DENND4A: variants seen among roughly 807,000 people sequenced by gnomAD.
The protein encoded by DENND4A is C-myc promoter-binding protein.
Under a neutral mutation model 199.3 loss-of-function variants are expected in DENND4A, and 70 were observed. The observed-to-expected ratio is 0.35, with a 90% CI of 0.29 to 0.43. The LOEUF is 0.43. DENND4A is among the 20% of genes least tolerant of loss of function. The pLI is 1.00. For missense variants in DENND4A, 1,723 were observed against 2,255.8 expected, an observed-to-expected ratio of 0.76 and a Z score of 4.78; for synonymous variants, 686 against 766.9, an observed-to-expected ratio of 0.89 and a Z score of 1.74.
chr15:65,760,724 A>G (rs571414097), intron 2 of DENND4A, among the ~76,000 whole-genome samples: 1 of 152,152 alleles, frequency 6.6e-6, no homozygotes, highest in Admixed American at 6.5e-5. Context: ...CCTCGTTTCT[A>G]CCAAAAATAC....
At chr15:65,704,308 T>C (rs1361909360) in intron 15 of DENND4A, among the ~76,000 whole-genome samples, 1 of 152,054 alleles carries the variant, frequency 6.6e-6, no homozygotes, top group Non-Finnish European at 1.5e-5. Context: ...CAAAATTATA[T>C]TGGTAGTCTG....
chr15:65,729,450 A>C, intron 10 of DENND4A, 84 bp downstream of exon 10: 1 of 1,489,392 alleles, frequency 6.7e-7, no homozygotes, highest in East Asian at 2.5e-5. Context: ...AATTTTAGTT[A>C]AGTTATATTA....
rs757726723 is a variant in DENND4A, at chr15:65,691,119, C to T, written c.3475G>A (p.Val1159Met). 4 of 1,613,136 alleles carry T rather than the reference C, an allele frequency of 2.5e-6. No individual in the cohort carries two copies. Among genetic ancestry groups the T allele is most frequent in the Non-Finnish European group, 3.4e-6 (4 of 1,179,636 alleles). Reference sequence around the variant, plus strand: ...AAGTCAAAAATAACAGGAGAATCCACTTTATCTGCCAAATAGTTAGAACCA... The same window carrying T: ...AAGTCAAAAATAACAGGAGAATCCATTTTATCTGCCAAATAGTTAGAACCA... Reference protein sequence around the residue: ...FDGSNYLADKVDSPVIFDLED... With the variant: ...FDGSNYLADKMDSPVIFDLED... Residue 1159 changes from valine (V) to methionine (M), a missense_variant, in exon 23 of 33, where the codon GTG becomes ATG. Transcript: ENST00000443035.
At chr15:65,685,597 G>A (rs747980692) in intron 23 of DENND4A, among the ~76,000 whole-genome samples, 2 of 152,096 alleles carry the variant, frequency 1.3e-5, no homozygotes, top group Admixed American at 6.5e-5. Context: ...TCATCTCTAG[G>A]TTACTTATAA....
intron 23 of DENND4A, among the ~76,000 whole-genome samples, chr15:65,688,250 TTTAA>T (rs1369791078): frequency 6.6e-6 from 1 of 151,466 alleles, no homozygotes; most frequent in Non-Finnish European, 1.5e-5. Context: ...TAGAATTTAT[TTTAA>T]TTTATTTCAA....
chr15:65,698,448 GTTTGGA>G (rs2077229596), intron 20 of DENND4A, among the ~76,000 whole-genome samples: 1 of 151,982 alleles, frequency 6.6e-6, no homozygotes, highest in Non-Finnish European at 1.5e-5. Context: ...TAATCTTTTT[GTTTGGA>G]TTTGAAGTTC....
intron 2 of DENND4A, among the ~76,000 whole-genome samples, chr15:65,758,732 G>C (rs2076777546): frequency 6.6e-6 from 1 of 152,158 alleles, no homozygotes; most frequent in Non-Finnish European, 1.5e-5. Flanking sequence ...GTTAGACACA[G>C]TTCCAATAAG....
chr15:65,750,952 A>T (rs1415150949), intron 4 of DENND4A, among the ~76,000 whole-genome samples: 2 of 152,204 alleles, frequency 1.3e-5, no homozygotes, highest in African/African-American at 4.8e-5. Context: ...AGTTAGATAA[A>T]AAACTATGGC....
chr15:65,738,972 G>T, intron 5 of DENND4A, 97 bp from the exon 6 acceptor site: 1 of 896,346 alleles, frequency 1.1e-6, no homozygotes, highest in Non-Finnish European at 1.6e-6. Context: ...CACACATTTG[G>T]AATGCCAAAG....
chr15:65,765,058 T>G (rs1259151220), intron 1 of DENND4A, among the ~76,000 whole-genome samples: 2 of 152,156 alleles, frequency 1.3e-5, no homozygotes, highest in African/African-American at 4.8e-5. Flanking sequence ...TCCATTCTGA[T>G]GAATGAACTT....
chr15:65,735,105 C>T (rs889812791), intron 7 of DENND4A, among the ~76,000 whole-genome samples: 6 of 150,992 alleles, frequency 4.0e-5, no homozygotes, highest in Non-Finnish European at 5.9e-5. Context: ...AGGCAAGGCG[C>T]GGCGGCTCAC....
rs947503725 is a variant in DENND4A, at chr15:65,714,167, T to C, written c.1953+1311A>G. On this transcript the variant is annotated intron_variant, in intron 14 of 32. Transcript: ENST00000443035. ...TGGCTTATGTCTGTAATCCCAGCAC[T>C]TTGGGAGGCCGAGGCGGGCAGATCA... Among the ~76,000 whole-genome samples, 6 of 152,090 alleles carry C rather than the reference T, an allele frequency of 3.9e-5. 1 individual carries two copies. The highest frequency in any genetic ancestry group is 1.5e-5 in the Non-Finnish European group (1 of 68,012).
At position 65,720,947 on chromosome 15, in the gene DENND4A, TTATATATATATA is replaced by T. The variant is rs72498783; in HGVS notation, c.1588+1889_1588+1900del. Among the ~76,000 whole-genome samples, 525 of 76,246 alleles carry T rather than the reference TTATATATATATA, an allele frequency of 6.9e-3. 22 individuals are homozygous for T. The highest frequency in any genetic ancestry group is 0.035 in the Middle Eastern group (4 of 114). 50.0% of individuals were successfully genotyped at this position (76,246 alleles called of 152,430 possible). ...AAAGTTGAATGGGCTGTTTCATTGA[TTATATATATATA>T]TATATATATATATATATATATATTT... On this transcript the variant is annotated intron_variant, in intron 12 of 32. Coordinates refer to ENST00000443035, the MANE Select transcript of DENND4A (RefSeq NM_001320835.1).
chr15:65,676,141 A>AAAAAAAATATATATATATAT (rs1362535499), intron 24 of DENND4A, among the ~76,000 whole-genome samples: 1 of 110,452 alleles, frequency 9.1e-6, no homozygotes, highest in African/African-American at 3.0e-5. Context: ...AATAAGGAAA[A>AAAAAAAATATATATATATAT]ATATATATAT....
intron 4 of DENND4A, among the ~76,000 whole-genome samples, chr15:65,748,528 A>C (rs1443632992): frequency 6.6e-6 from 1 of 151,772 alleles, no homozygotes; most frequent in Non-Finnish European, 1.5e-5. Flanking sequence ...CTGAAGCAGG[A>C]GAATCACGTT....
chr15:65,660,141 A>C lies in DENND4A; in HGVS notation c.*1710T>G. 1 of 606,270 alleles carries C rather than the reference A, an allele frequency of 1.6e-6. No individual in the cohort carries two copies. The allele number at this position is 606,270 out of a possible 1,614,324, so 37.6% of individuals were successfully genotyped here. ...TAGAACATGAAGCTTGGATCTGAAT[A>C]GTAAAGAATAATATTGGAGTGGTAT... On this transcript the variant is annotated 3_prime_UTR_variant, in exon 33 of 33. Coordinates refer to ENST00000443035, the MANE Select transcript of DENND4A (RefSeq NM_001320835.1).
chr15:65,764,972 C>A (rs2572215), intron 1 of DENND4A, among the ~76,000 whole-genome samples: 32,894 of 93,112 alleles, frequency 0.35, 3,825 homozygotes, highest in East Asian at 0.76. Context: ...ACCCTGTCTC[C>A]AAAAAAAAAA....
intron 24 of DENND4A, among the ~76,000 whole-genome samples, chr15:65,673,136 C>T (rs1009742887): frequency 3.3e-5 from 5 of 150,734 alleles, no homozygotes; most frequent in African/African-American, 1.2e-4. Context: ...GCTGGGATTA[C>T]AGGCGTGAGC....
In DENND4A at chr15:65,673,528, A is replaced by G. The variant is rs541413157; in HGVS notation, c.4370-1642T>C. ...ATGGTGTAAACTACCAGTCCATGAGAAATAAGAGGGGATGGGAAAACATGT... is the reference window on the plus strand; with the variant it reads ...ATGGTGTAAACTACCAGTCCATGAGGAATAAGAGGGGATGGGAAAACATGT... On this transcript the variant is annotated intron_variant, in intron 24 of 32. Transcript: ENST00000443035. Among the ~76,000 whole-genome samples the G allele has an allele frequency of 6.6e-5, 10 of 151,988 alleles. No homozygotes were observed. In the South Asian group the frequency reaches 2.1e-3, roughly 32 times the overall value.
Sources: gnomAD v4.1 joint callset for allele counts (sites outside exome capture counted in the v4.1 genomes callset) on GRCh38, gnomAD v4.1.1 for gene constraint, MANE v1.5 for transcripts, NCBI Gene and HGNC (gene_info 2026-07-23, HGNC 2026-07-21) for gene names.